CHMP1B: variants seen among roughly 807,000 people sequenced by gnomAD.
The protein encoded by CHMP1B is VPS46 homolog B.
Under a neutral mutation model 11.5 loss-of-function variants are expected in CHMP1B, and 5 were observed. The ratio of observed to expected loss-of-function variants is 0.43; its 90% CI spans 0.23 to 0.91. The LOEUF (loss-of-function observed/expected upper bound fraction) is 0.91, where lower values mean the gene tolerates loss of function less well. Among genes scored for constraint, CHMP1B ranks in the 40% least tolerant of loss-of-function variants. The pLI, the probability that CHMP1B is intolerant of heterozygous loss-of-function variation, is 0.25. For missense variants in CHMP1B, 246 were observed against 261.2 expected, an observed-to-expected ratio of 0.94 and a Z score of 0.40; for synonymous variants, 105 against 105.7, an observed-to-expected ratio of 0.99 and a Z score of 0.04.
In CHMP1B at chr18:11,851,560, G is replaced by A. The variant is rs747190624; in HGVS notation, c.49G>A (p.Glu17Lys). The change falls in exon 1 of 1, where the codon GAA (glutamate) becomes AAA (lysine). Residue 17 changes from glutamate (E) to lysine (K), a missense_variant. Physicochemically the swap from Glu to Lys is moderately conservative, Grantham distance 56 (BLOSUM62 1). Coordinates refer to ENST00000526991, the MANE Select transcript of CHMP1B (RefSeq NM_020412.5). ...HLFNLKFAAK[E>K]LSRSAKKCDK... ...GTTCAACCTGAAGTTCGCGGCCAAAGAACTGAGTAGGAGTGCCAAAAAATG... is the reference window on the plus strand; with the variant it reads ...GTTCAACCTGAAGTTCGCGGCCAAAAAACTGAGTAGGAGTGCCAAAAAATG... The A allele has an allele frequency of 1.9e-6, 3 of 1,610,848 alleles. No homozygotes were observed. The highest frequency in any genetic ancestry group is 1.7e-6 in the Non-Finnish European group (2 of 1,178,672).
rs1362329567 is a variant in CHMP1B, at chr18:11,854,317, A to G, written c.*2206A>G. ...GTCCATGTCATACTATTATGAATGT[A>G]CATTTTTATGAGTCATAAATATTAT... On this transcript the variant is annotated 3_prime_UTR_variant, in exon 1 of 1. Transcript: ENST00000526991. 6.0e-6 allele frequency: 1 copy of G among 167,054 alleles called. No homozygotes were observed. Among genetic ancestry groups the G allele is most frequent in the Non-Finnish European group, 1.5e-5 (1 of 68,122 alleles). 10.3% of individuals were successfully genotyped at this position (167,054 alleles called of 1,614,324 possible).
rs1273156911 is a variant in CHMP1B at position 11,851,875 on chromosome 18, T to C, written c.364T>C (p.Phe122Leu). Reference sequence around the variant, plus strand: ...TTTGATGGACAAATTCGAGCACCAGTTTGAGACTCTGGACGTCCAGACGCA... The same window carrying C: ...TTTGATGGACAAATTCGAGCACCAGCTTGAGACTCTGGACGTCCAGACGCA... The part of the protein sequence containing the change: ...SALMDKFEHQ[F>L]ETLDVQTQQM... The change falls in exon 1 of 1, where the codon TTT becomes CTT. Residue 122 changes from phenylalanine to leucine, a missense_variant. Physicochemically the swap from Phe to Leu is conservative, Grantham distance 22. Coordinates refer to ENST00000526991, the MANE Select transcript of CHMP1B (RefSeq NM_020412.5). The C allele has an allele frequency of 6.2e-7, 1 of 1,613,914 alleles. No homozygotes were observed. The highest frequency in any genetic ancestry group is 8.5e-7 in the Non-Finnish European group (1 of 1,179,868).
Position 11,854,112 on chromosome 18 carries a change from A to G in CHMP1B, c.*2001A>G, listed in dbSNP as rs1452780306. ...AGTGCTGGGATTACAGGCATGAGCC[A>G]CTGCACCTGGCCTTAACCCCTCTTT... On this transcript the variant is annotated 3_prime_UTR_variant, in exon 1 of 1. Transcript: ENST00000526991. 6.0e-6 allele frequency: 1 copy of G among 167,112 alleles called. No homozygotes were observed. The highest frequency in any genetic ancestry group is 1.9e-4 in the East Asian group (1 of 5,196). The allele number at this position is 167,112 out of a possible 1,614,324, so 10.4% of individuals were successfully genotyped here. A position where few individuals can be genotyped will look rare whatever the true frequency, so the allele number is the denominator to read the frequency against.
In CHMP1B at chr18:11,851,574, T is replaced by G; in HGVS notation, c.63T>G (p.Ser21Arg). The stretch of plus-strand genomic sequence containing the variant: ...TCGCGGCCAAAGAACTGAGTAGGAG[T>G]GCCAAAAAATGCGATAAGGAGGAAA... ...LKFAAKELSR[S>R]AKKCDKEEKA... Residue 21 changes from serine (S) to arginine (R), a missense_variant, in exon 1 of 1, where the codon AGT becomes AGG. Physicochemically the swap from Ser to Arg is moderately radical, Grantham distance 110. Transcript: ENST00000526991. 1.2e-6 allele frequency: 2 copies of G among 1,612,080 alleles called. No homozygotes were observed. The highest frequency in any genetic ancestry group is 1.7e-6 in the Non-Finnish European group (2 of 1,179,182).
In CHMP1B at chr18:11,853,947, C is replaced by G. The variant is rs921982283; in HGVS notation, c.*1836C>G. 1.3e-4 allele frequency: 22 copies of G among 165,966 alleles called. No individual in the cohort carries two copies. Among genetic ancestry groups the G allele is most frequent in the African/African-American group, 4.8e-4 (20 of 41,542 alleles). 10.3% of individuals were successfully genotyped at this position (165,966 alleles called of 1,614,324 possible). ...AAGTGATTCTCCTGCCTCAGCCTGC[C>G]GAGTAGCTGGAATTACAGGTGTGCA... On this transcript the variant is annotated 3_prime_UTR_variant, in exon 1 of 1. Coordinates refer to ENST00000526991, the MANE Select transcript of CHMP1B (RefSeq NM_020412.5).
rs538667874 is a variant in CHMP1B, at chr18:11,852,157, A to G, written c.*46A>G. 2 of 1,515,284 alleles carry G rather than the reference A, an allele frequency of 1.3e-6. No homozygotes were observed. Among genetic ancestry groups the G allele is most frequent in the African/African-American group, 2.8e-5 (2 of 72,352 alleles). The allele number at this position is 1,515,284 out of a possible 1,614,324, so 93.9% of individuals were successfully genotyped here. On this transcript the variant is annotated 3_prime_UTR_variant, in exon 1 of 1. Transcript: ENST00000526991. ...TTTCCTGGCCATAGCCACCCTTTGA[A>G]ATGCTCTCTGTGTGTTAGAGAGATA... is the stretch of plus-strand genomic sequence containing the variant.
At position 11,854,274 on chromosome 18, in the gene CHMP1B, T is replaced by G. The variant is rs138070097; in HGVS notation, c.*2163T>G. 1,184 of 167,258 alleles carry G rather than the reference T, an allele frequency of 7.1e-3. 6 individuals carry two copies. Among genetic ancestry groups the G allele is most frequent in the Non-Finnish European group, 7.5e-3 (512 of 68,118 alleles). 10.4% of individuals were successfully genotyped at this position (167,258 alleles called of 1,614,324 possible). A position where few individuals can be genotyped will look rare whatever the true frequency, so the allele number is the denominator to read the frequency against. On this transcript the variant is annotated 3_prime_UTR_variant, in exon 1 of 1. Coordinates refer to ENST00000526991, the MANE Select transcript of CHMP1B (RefSeq NM_020412.5). ...AGATTAAACAATGCTTGTATATGCT[T>G]GAACTTTCTTAAAATATGTCCATGT...
rs772096160 is a variant in CHMP1B at position 11,851,707 on chromosome 18, T to C, written c.196T>C (p.Leu66=). ...CCAGAAGAACCAGGCGGTGAATTTCTTGAGAATGAGTGCGCGAGTCGATGC... is the reference window on the plus strand; with the variant it reads ...CCAGAAGAACCAGGCGGTGAATTTCCTGAGAATGAGTGCGCGAGTCGATGC... ...IRQKNQAVNF[L]RMSARVDAVA... is the part of the protein sequence containing the mutation. The change falls in exon 1 of 1, where the codon TTG becomes CTG. Residue 66 remains leucine (L), a synonymous_variant. Coordinates refer to ENST00000526991, the MANE Select transcript of CHMP1B (RefSeq NM_020412.5). The C allele has an allele frequency of 2.5e-6, 4 of 1,614,006 alleles. No homozygotes were observed. In the East Asian group the frequency reaches 6.7e-5, roughly 27 times the overall value.
At position 11,854,217 on chromosome 18, in the gene CHMP1B, A is replaced by G. The variant is rs1345595332; in HGVS notation, c.*2106A>G. Reference sequence around the variant, plus strand: ...TAAACTAAAGACCCTTTTATAATGCACATATTCCCAACAAAATTAATATAT... The same window carrying G: ...TAAACTAAAGACCCTTTTATAATGCGCATATTCCCAACAAAATTAATATAT... On this transcript the variant is annotated 3_prime_UTR_variant, in exon 1 of 1. Coordinates refer to ENST00000526991, the MANE Select transcript of CHMP1B (RefSeq NM_020412.5). The G allele has an allele frequency of 6.0e-6, 1 of 167,124 alleles. No homozygotes were observed. The allele number at this position is 167,124 out of a possible 1,614,324, so 10.4% of individuals were successfully genotyped here.
rs554091045 is a variant in CHMP1B, at chr18:11,852,166, T to C, written c.*55T>C. 1.1e-5 allele frequency: 17 copies of C among 1,502,726 alleles called. 1 individual carries two copies. The African/African-American group carries it at 1.8e-4, about 16-fold the overall frequency. 93.1% of individuals were successfully genotyped at this position (1,502,726 alleles called of 1,614,324 possible). A position where few individuals can be genotyped will look rare whatever the true frequency, so the allele number is the denominator to read the frequency against. Reference sequence around the variant, plus strand: ...CATAGCCACCCTTTGAAATGCTCTCTGTGTGTTAGAGAGATACTATACCCT... The same window carrying C: ...CATAGCCACCCTTTGAAATGCTCTCCGTGTGTTAGAGAGATACTATACCCT... On this transcript the variant is annotated 3_prime_UTR_variant, in exon 1 of 1. Transcript: ENST00000526991.
rs917387487 is a variant in CHMP1B at position 11,854,364 on chromosome 18, A to G, written c.*2253A>G. 1 of 167,142 alleles carries G rather than the reference A, an allele frequency of 6.0e-6. No homozygotes were observed. The highest frequency in any genetic ancestry group is 1.5e-5 in the Non-Finnish European group (1 of 68,136). 10.4% of individuals were successfully genotyped at this position (167,142 alleles called of 1,614,324 possible). ...TTATTTTCAAAAGCACTACAGGCCC[A>G]TGAATTACTTCCTCACTTTTGCAGT... On this transcript the variant is annotated 3_prime_UTR_variant, in exon 1 of 1. Transcript: ENST00000526991.
rs1282312668 is a variant in CHMP1B at position 11,853,739 on chromosome 18, T to G, written c.*1628T>G. 1 of 166,218 alleles carries G rather than the reference T, an allele frequency of 6.0e-6. No individual in the cohort carries two copies. Among genetic ancestry groups the G allele is most frequent in the Non-Finnish European group, 1.5e-5 (1 of 68,136 alleles). The allele number at this position is 166,218 out of a possible 1,614,324, so 10.3% of individuals were successfully genotyped here. On this transcript the variant is annotated 3_prime_UTR_variant, in exon 1 of 1. Coordinates refer to ENST00000526991, the MANE Select transcript of CHMP1B (RefSeq NM_020412.5). ...CTTTAAGGGACACTTGTTAGTTGTC[T>G]GCCCAGCATCTCTCAAGAATATCCC...
Position 11,851,539 on chromosome 18 carries a change from A to G in CHMP1B, c.28A>G (p.Asn10Asp). Residue 10 changes from asparagine (N) to aspartate (D), a missense_variant, in exon 1 of 1, where the codon AAC becomes GAC. Physicochemically the swap from Asn to Asp is conservative, Grantham distance 23. Transcript: ENST00000526991. ...GTCTAACATGGAGAAACACCTGTTC[A>G]ACCTGAAGTTCGCGGCCAAAGAACT... MSNMEKHLF[N>D]LKFAAKELSR... 6.2e-7 allele frequency: 1 copy of G among 1,605,360 alleles called. No homozygotes were observed. The highest frequency in any genetic ancestry group is 8.5e-7 in the Non-Finnish European group (1 of 1,176,358).
Position 11,853,583 on chromosome 18 carries a change from A to G in CHMP1B, c.*1472A>G, listed in dbSNP as rs1172596616. ...TTCTTTGAAAGATTCATAACCAACT[A>G]TTCACTATTATAACATGTTTCCCAG... On this transcript the variant is annotated 3_prime_UTR_variant, in exon 1 of 1. Coordinates refer to ENST00000526991, the MANE Select transcript of CHMP1B (RefSeq NM_020412.5). The G allele has an allele frequency of 6.0e-6, 1 of 167,094 alleles. No homozygotes were observed. The highest frequency in any genetic ancestry group is 1.5e-5 in the Non-Finnish European group (1 of 68,124). The allele number at this position is 167,094 out of a possible 1,614,324, so 10.4% of individuals were successfully genotyped here. A position where few individuals can be genotyped will look rare whatever the true frequency, so the allele number is the denominator to read the frequency against.
rs2035883048 is a variant in CHMP1B, at chr18:11,852,006, C to G, written c.495C>G (p.Asn165Lys). The G allele has an allele frequency of 1.9e-6, 3 of 1,613,534 alleles. No individual in the cohort carries two copies. ...CAGATGAGGCGGGCCTCGACCTCAA[C>G]ATGGAGCTGCCGCAGGGCCAGACCG... ...EMADEAGLDL[N>K]MELPQGQTGS... Residue 165 changes from asparagine to lysine, a missense_variant, in exon 1 of 1, where the codon AAC becomes AAG. Asn to Lys is a moderately conservative substitution (Grantham distance 94, BLOSUM62 0). Coordinates refer to ENST00000526991, the MANE Select transcript of CHMP1B (RefSeq NM_020412.5).
At position 11,852,989 on chromosome 18, in the gene CHMP1B, A is replaced by G. The variant is rs1262233000; in HGVS notation, c.*878A>G. ...AGTCTTATAAATTATGCTAATTAGCATGGCAGTCATGTTACACACTCTTAA... is the reference window on the plus strand; with the variant it reads ...AGTCTTATAAATTATGCTAATTAGCGTGGCAGTCATGTTACACACTCTTAA... On this transcript the variant is annotated 3_prime_UTR_variant, in exon 1 of 1. Transcript: ENST00000526991. 4 of 167,120 alleles carry G rather than the reference A, an allele frequency of 2.4e-5. No homozygotes were observed. Among genetic ancestry groups the G allele is most frequent in the African/African-American group, 7.2e-5 (3 of 41,470 alleles). 10.4% of individuals were successfully genotyped at this position (167,120 alleles called of 1,614,324 possible).
In CHMP1B at chr18:11,852,735, CTCTT is replaced by C. The variant is rs1190142890; in HGVS notation, c.*625_*628del. On this transcript the variant is annotated 3_prime_UTR_variant, in exon 1 of 1. Transcript: ENST00000526991. ...CCTTAGGATATTTTTGCATAATACT[CTCTT>C]ACTGCTTACATTCTATAAATTTTTC... The C allele has an allele frequency of 6.0e-6, 1 of 166,338 alleles. No individual in the cohort carries two copies. Among genetic ancestry groups the C allele is most frequent in the Non-Finnish European group, 1.5e-5 (1 of 68,070 alleles). 10.3% of individuals were successfully genotyped at this position (166,338 alleles called of 1,614,324 possible).
At position 11,851,431 on chromosome 18, in the gene CHMP1B, G is replaced by A; in HGVS notation, c.-81G>A. The A allele has an allele frequency of 7.0e-7, 1 of 1,432,070 alleles. No homozygotes were observed. Among genetic ancestry groups the A allele is most frequent in the Non-Finnish European group, 9.2e-7 (1 of 1,092,498 alleles). The allele number at this position is 1,432,070 out of a possible 1,614,324, so 88.7% of individuals were successfully genotyped here. The stretch of plus-strand genomic sequence containing the variant: ...GTGGGACCAAAACAAAGGAGCGGCG[G>A]CCGGGAGCGGACTTACCTTACCTTC... On this transcript the variant is annotated 5_prime_UTR_variant, in exon 1 of 1. Coordinates refer to ENST00000526991, the MANE Select transcript of CHMP1B (RefSeq NM_020412.5).
Position 11,852,204 on chromosome 18 carries a change from C to A in CHMP1B, c.*93C>A. ...GATACTATACCCTAGAAACTCTGAA[C>A]ACGCCAGAATGCTGAAATGCCCTTC... On this transcript the variant is annotated 3_prime_UTR_variant, in exon 1 of 1. Coordinates refer to ENST00000526991, the MANE Select transcript of CHMP1B (RefSeq NM_020412.5). 2.1e-6 allele frequency: 3 copies of A among 1,408,994 alleles called. No individual in the cohort carries two copies. Among genetic ancestry groups the A allele is most frequent in the Non-Finnish European group, 2.8e-6 (3 of 1,060,086 alleles). 87.3% of individuals were successfully genotyped at this position (1,408,994 alleles called of 1,614,324 possible).
Sources: allele counts gnomAD v4.1 joint callset, GRCh38; gene constraint gnomAD v4.1.1; transcripts MANE v1.5; gene names NCBI Gene and HGNC (gene_info 2026-07-23, HGNC 2026-07-21).